The following C12orf42 variants were observed in gnomAD, a reference collection of about 807,000 sequenced individuals.
C12orf42 encodes the protein chromosome 12 open reading frame 42.
Under a neutral mutation model 21.6 loss-of-function variants are expected in C12orf42, and 25 were observed. The ratio of observed to expected loss-of-function variants is 1.16; its 90% CI spans 0.84 to 1.62. The LOEUF (loss-of-function observed/expected upper bound fraction) is 1.62. C12orf42 is among the 40% of genes most tolerant of loss of function. C12orf42 has a pLI of 0.00. For missense variants in C12orf42, 483 were observed against 459.3 expected, an observed-to-expected ratio of 1.05 and a Z score of -0.47; for synonymous variants, 174 against 175.0, an observed-to-expected ratio of 0.99 and a Z score of 0.05.
At chr12:103,526,755 G>A in the C12orf42 span, among the ~76,000 whole-genome samples, 1 of 152,168 alleles carries the variant, frequency 6.6e-6, no homozygotes, top group African/African-American at 2.4e-5. Flanking sequence ...CTGTTAACAA[G>A]GCAAGAAAAA....
At chr12:103,226,609 G>A in the C12orf42 span, among the ~76,000 whole-genome samples, 1 of 152,126 alleles carries the variant, frequency 6.6e-6, no homozygotes, top group Admixed American at 6.5e-5. Context: ...GGTTGGGGAG[G>A]GCTAGTCACG....
chr12:103,300,416 C>G (rs933875998), downstream of C12orf42, among the ~76,000 whole-genome samples: 5 of 152,182 alleles, frequency 3.3e-5, no homozygotes, highest in African/African-American at 1.2e-4. Context: ...ACAAAACACA[C>G]TTTGGGAAAC....
chr12:103,537,100 A>ATGAATGAATGAG, the C12orf42 span, among the ~76,000 whole-genome samples: 1 of 152,150 alleles, frequency 6.6e-6, no homozygotes, highest in African/African-American at 2.4e-5. Flanking sequence ...GAATGAATGA[A>ATGAATGAATGAG]TGAATGAATG....
the C12orf42 span, among the ~76,000 whole-genome samples, chr12:103,175,980 T>G: frequency 6.6e-6 from 1 of 152,124 alleles, no homozygotes; most frequent in African/African-American, 2.4e-5. Context: ...TGATCCTCCA[T>G]CGAGACCACT....
the C12orf42 span, among the ~76,000 whole-genome samples, chr12:103,529,069 G>A: frequency 1.1e-4 from 16 of 151,592 alleles, no homozygotes; most frequent in Non-Finnish European, 2.2e-4. Context: ...AAACAACAAC[G>A]AAAAAAAACG....
At chr12:103,213,987 G>C in the C12orf42 span, among the ~76,000 whole-genome samples, 14 of 152,346 alleles carry the variant, frequency 9.2e-5, no homozygotes, top group African/African-American at 2.6e-4. Flanking sequence ...ACAATGATCA[G>C]ATGAAAGGAC....
intron 2 of C12orf42, among the ~76,000 whole-genome samples, chr12:103,415,756 A>G (rs1001844851): frequency 1.3e-5 from 2 of 152,182 alleles, no homozygotes; most frequent in Admixed American, 1.3e-4. Context: ...GCCAAAAATC[A>G]GACTGTAAGA....
chr12:103,305,359 A>G (rs2038174240), intron 5 of C12orf42, among the ~76,000 whole-genome samples: 2 of 152,192 alleles, frequency 1.3e-5, no homozygotes, highest in Non-Finnish European at 1.5e-5. Flanking sequence ...AGCCCTTACT[A>G]TGTTCAGGAA....
intron 2 of C12orf42, among the ~76,000 whole-genome samples, chr12:103,424,734 T>TG (rs1279546374): frequency 2.6e-5 from 4 of 152,230 alleles, no homozygotes; most frequent in African/African-American, 9.6e-5. Flanking sequence ...AAGCACAAAC[T>TG]GGGCAGCCGT....
the C12orf42 span, among the ~76,000 whole-genome samples, chr12:103,180,952 A>T: frequency 6.6e-6 from 1 of 151,862 alleles, no homozygotes; most frequent in South Asian, 2.1e-4. Context: ...TTATACTTTG[A>T]CCTAACTAAT....
At chr12:103,191,543 C>CA in the C12orf42 span, among the ~76,000 whole-genome samples, 61 of 58,104 alleles carry the variant, frequency 1.0e-3, 4 homozygotes, top group Non-Finnish European at 1.4e-3. Context: ...CTCCACTCTA[C>CA]AAAAAAAAAA....
rs12426345 is a variant in C12orf42, at chr12:103,368,131, C to T, written c.259+756G>A. ...CCTAAAAATGGAGTTTATGGACAGTCGCAGGTTGTCAAAATCATCTATGGT... is the reference window on the plus strand; with the variant it reads ...CCTAAAAATGGAGTTTATGGACAGTTGCAGGTTGTCAAAATCATCTATGGT... On this transcript the variant is annotated intron_variant, in intron 4 of 5. Transcript: ENST00000548883. 8,422 of 1,089,822 alleles carry T rather than the reference C, an allele frequency of 7.7e-3. 511 individuals are homozygous for T. The East Asian group carries it at 0.22, about 28-fold the overall frequency. The allele number at this position is 1,089,822 out of a possible 1,614,324, so 67.5% of individuals were successfully genotyped here.
Position 103,434,974 on chromosome 12 carries a change from G to A in C12orf42, c.79-33299C>T, listed in dbSNP as rs574053171. ...GGCACAGACAAACAAAAAGACAGCA[G>A]TAACCTCTGCAGACTTAAATGTCCC... On this transcript the variant is annotated intron_variant, in intron 2 of 5. Coordinates refer to ENST00000548883, the MANE Select transcript of C12orf42 (RefSeq NM_198521.5). Among the ~76,000 whole-genome samples the A allele has an allele frequency of 2.0e-5, 3 of 152,344 alleles. No homozygotes were observed. In the East Asian group the frequency reaches 5.8e-4, roughly 29 times the overall value.
the C12orf42 span, among the ~76,000 whole-genome samples, chr12:103,532,970 A>C: frequency 6.6e-6 from 1 of 152,224 alleles, no homozygotes; most frequent in East Asian, 1.9e-4. Flanking sequence ...TTCTGCTGGC[A>C]TGACTGGAAC....
chr12:103,380,946 C>G (rs1370631525), intron 3 of C12orf42, among the ~76,000 whole-genome samples: 1 of 152,122 alleles, frequency 6.6e-6, no homozygotes, highest in African/African-American at 2.4e-5. Context: ...ATATAGGGTA[C>G]CTGATATTCA....
At chr12:103,520,024 C>T in the C12orf42 span, among the ~76,000 whole-genome samples, 2 of 152,168 alleles carry the variant, frequency 1.3e-5, no homozygotes, top group African/African-American at 4.8e-5. Context: ...GAGGCAAATG[C>T]TGGAGCGGCC....
At chr12:103,099,078 G>T in the C12orf42 span, among the ~76,000 whole-genome samples, 3 of 152,082 alleles carry the variant, frequency 2.0e-5, no homozygotes, top group African/African-American at 7.2e-5. Context: ...AAAAAAAATT[G>T]TTCATCCTAC....
chr12:103,402,064 C>T (rs1189589101), intron 2 of C12orf42, among the ~76,000 whole-genome samples: 3 of 152,172 alleles, frequency 2.0e-5, no homozygotes, highest in South Asian at 4.1e-4. Flanking sequence ...CCTCCCATAG[C>T]CTGAAGCCCA....
intron 3 of C12orf42, among the ~76,000 whole-genome samples, chr12:103,399,498 CAAA>C (rs142785857): frequency 1.3e-4 from 11 of 81,656 alleles, no homozygotes; most frequent in Non-Finnish European, 2.5e-4. Context: ...CCAGCAAACT[CAAA>C]AAAAAAAAAA....
Sources: allele counts gnomAD v4.1 joint callset (sites outside exome capture counted in the v4.1 genomes callset), GRCh38; gene constraint gnomAD v4.1.1; transcripts MANE v1.5; gene names NCBI Gene and HGNC (gene_info 2026-07-23, HGNC 2026-07-21).